RECK: variants seen among roughly 807,000 people sequenced by gnomAD.
The protein encoded by RECK is reversion inducing cysteine rich protein with kazal motifs.
RECK carries 69 observed loss-of-function variants against 115.1 expected under a neutral mutation model. The ratio of observed to expected loss-of-function variants is 0.60; its 90% confidence interval spans 0.49 to 0.73. The LOEUF (loss-of-function observed/expected upper bound fraction) is 0.73. RECK is among the 30% of genes least tolerant of loss of function. The pLI is 0.00. For synonymous variants in RECK, 414 were observed against 419.7 expected (o/e 0.99, Z 0.17); for missense variants, 1,047 against 1,203.7 (o/e 0.87, Z 1.93).
intron 6 of RECK, 82 bp downstream of exon 6, chr9:36,065,706 A>G: frequency 8.9e-7 from 1 of 1,118,452 alleles, no homozygotes. Flanking sequence ...TTTAAAATGA[A>G]TTTATTTTTA....
In RECK at chr9:36,112,471, C is replaced by G. The variant is rs145965365; in HGVS notation, c.2055C>G (p.Asn685Lys). Reference protein sequence around the residue: ...DPCNPNPCQKNQRCIPKPQVC... With the variant: ...DPCNPNPCQKKQRCIPKPQVC... Reference sequence around the variant, plus strand: ...GTAATCCTAATCCCTGCCAAAAAAACCAAAGGTAAGTCAAATGGCTTCTTA... The same window carrying G: ...GTAATCCTAATCCCTGCCAAAAAAAGCAAAGGTAAGTCAAATGGCTTCTTA... The change falls in exon 16 of 21, where the codon AAC becomes AAG. Residue 685 changes from asparagine to lysine, a missense_variant. Asn to Lys is a moderately conservative substitution (Grantham distance 94). Coordinates refer to ENST00000377966, the MANE Select transcript of RECK (RefSeq NM_021111.3). 2 of 1,613,794 alleles carry G rather than the reference C, an allele frequency of 1.2e-6. No homozygotes were observed. Among genetic ancestry groups the G allele is most frequent in the Non-Finnish European group, 1.7e-6 (2 of 1,179,966 alleles).
intron 6 of RECK, among the ~76,000 whole-genome samples, chr9:36,078,892 GTTTA>G (rs1564116541): frequency 6.6e-6 from 1 of 151,800 alleles, no homozygotes; most frequent in Non-Finnish European, 1.5e-5. Flanking sequence ...TTGTTTATTT[GTTTA>G]TTTATTTATT....
At chr9:36,093,740 T>C (rs1312881044) in intron 10 of RECK, among the ~76,000 whole-genome samples, 1 of 152,192 alleles carries the variant, frequency 6.6e-6, no homozygotes, top group African/African-American at 2.4e-5. Context: ...AACCCATTTT[T>C]TGGGAAACCT....
At chr9:36,077,331 C>T (rs1306751720) in intron 6 of RECK, among the ~76,000 whole-genome samples, 3 of 152,172 alleles carry the variant, frequency 2.0e-5, no homozygotes, top group East Asian at 1.9e-4. Flanking sequence ...GACAGGCTGA[C>T]GTAAGAAATG....
chr9:36,063,387 A>G (rs1230213657), intron 4 of RECK, among the ~76,000 whole-genome samples: 1 of 152,182 alleles, frequency 6.6e-6, no homozygotes, highest in Non-Finnish European at 1.5e-5. Flanking sequence ...ATACAGTAAT[A>G]CTTGTGCCCT....
chr9:36,042,087 TA>T (rs1215569728), intron 1 of RECK, among the ~76,000 whole-genome samples: 1 of 152,032 alleles, frequency 6.6e-6, no homozygotes, highest in African/African-American at 2.4e-5. Flanking sequence ...TAGTAGGTTT[TA>T]GGGGAACAGG....
rs1263558158 is a variant in RECK, at chr9:36,112,290, G to A, written c.1889-15G>A. 2 of 1,611,062 alleles carry A rather than the reference G, an allele frequency of 1.2e-6. No individual in the cohort carries two copies. The highest frequency in any genetic ancestry group is 2.7e-5 in the African/African-American group (2 of 74,816). ...TATACACATACATATTTTTGAGGCT[G>A]TTTCCTCTCCTCAGGTCTGCCCTGT... is the stretch of plus-strand genomic sequence containing the variant. On this transcript the variant is annotated splice_polypyrimidine_tract_variant and intron_variant, in intron 15 of 20. Coordinates refer to ENST00000377966, the MANE Select transcript of RECK (RefSeq NM_021111.3).
In RECK at chr9:36,119,051, A is replaced by G. The variant is rs138903971; in HGVS notation, c.2464+84A>G. On this transcript the variant is annotated intron_variant, in intron 18 of 20. Transcript: ENST00000377966. ...CCAGAGAGTGAGTCATTGAGAAGAG[A>G]GCTCATTTACGTTTTTCAGAAAGTC... 8.7e-4 allele frequency: 1,150 copies of G among 1,322,334 alleles called. 6 individuals are homozygous for G. In the African/African-American group the frequency reaches 0.014, roughly 17 times the overall value. 81.9% of individuals were successfully genotyped at this position (1,322,334 alleles called of 1,614,324 possible). A position where few individuals can be genotyped will look rare whatever the true frequency, so the allele number is the denominator to read the frequency against.
At chr9:36,047,631 G>A (rs200095683) in intron 1 of RECK, among the ~76,000 whole-genome samples, 5 of 151,928 alleles carry the variant, frequency 3.3e-5, no homozygotes, top group South Asian at 2.1e-4. Context: ...TGAGTGCTTC[G>A]GTCCTCCCTT....
intron 10 of RECK, 41 bp from the exon 11 acceptor site, chr9:36,100,290 A>G (rs1338119248): frequency 2.6e-6 from 4 of 1,537,488 alleles, no homozygotes; most frequent in Admixed American, 3.5e-5. Context: ...TCTCTAGAAA[A>G]TAATTGCCTC....
intron 7 of RECK, among the ~76,000 whole-genome samples, chr9:36,080,889 A>C (rs933767468): frequency 1.8e-4 from 28 of 152,242 alleles, no homozygotes; most frequent in Admixed American, 6.5e-5. Flanking sequence ...TATATAATGT[A>C]GCACTTGCCG....
chr9:36,046,167 A>C (rs1252645769), intron 1 of RECK, among the ~76,000 whole-genome samples: 2 of 152,196 alleles, frequency 1.3e-5, no homozygotes, highest in Non-Finnish European at 2.9e-5. Context: ...CTTGAAGAAT[A>C]TGTTAGGATC....
At chr9:36,121,452 G>C in intron 19 of RECK, 81 bp from the exon 20 acceptor site, 1 of 1,385,882 alleles carries the variant, frequency 7.2e-7, no homozygotes. Flanking sequence ...AGCCTCCTCA[G>C]CTGGCAGCCC....
At chr9:36,062,413 G>A (rs992890863) in intron 4 of RECK, among the ~76,000 whole-genome samples, 3 of 151,862 alleles carry the variant, frequency 2.0e-5, no homozygotes, top group Admixed American at 6.6e-5. Context: ...CACCCACCTC[G>A]GCCTCACAAA....
intron 6 of RECK, among the ~76,000 whole-genome samples, chr9:36,066,514 G>T (rs568570770): frequency 6.6e-6 from 1 of 151,604 alleles, no homozygotes; most frequent in East Asian, 1.9e-4. Context: ...TTTTAAACTT[G>T]ACAGTCTTAT....
At chr9:36,060,288 AT>A (rs374587313) in intron 4 of RECK, 133 bp downstream of exon 4, 355 of 793,178 alleles carry the variant, frequency 4.5e-4, no homozygotes, top group South Asian at 5.6e-4. Flanking sequence ...CAACACCTAA[AT>A]TTTTTTTTTC....
At chr9:36,098,938 G>A (rs1823460438) in intron 10 of RECK, among the ~76,000 whole-genome samples, 1 of 152,126 alleles carries the variant, frequency 6.6e-6, no homozygotes, top group Non-Finnish European at 1.5e-5. Context: ...TGATGAAAAT[G>A]TTCTAGCCCA....
intron 18 of RECK, among the ~76,000 whole-genome samples, chr9:36,120,234 CA>C (rs5897627): frequency 0.22 from 30,873 of 139,772 alleles, 3,531 homozygotes; most frequent in African/African-American, 0.33. Flanking sequence ...GACTCTGTCT[CA>C]AAAAAAAAAA....
intron 15 of RECK, 72 bp downstream of exon 15, chr9:36,110,151 G>C: frequency 1.3e-6 from 2 of 1,510,210 alleles, no homozygotes; most frequent in Non-Finnish European, 1.8e-6. Flanking sequence ...CTTCAAGGCA[G>C]CTTCTCCAGT....
Sources: allele counts gnomAD v4.1 joint callset (sites outside exome capture counted in the v4.1 genomes callset), GRCh38; gene constraint gnomAD v4.1.1; transcripts MANE v1.5; gene names NCBI Gene and HGNC (gene_info 2026-07-23, HGNC 2026-07-21).